ADAM32: variants seen among roughly 807,000 people sequenced by gnomAD.
ADAM32 encodes the protein ADAM metallopeptidase domain 32.
ADAM32 carries 89 observed loss-of-function variants against 114.9 expected under a neutral mutation model. The observed-to-expected ratio is 0.77, with a 90% CI of 0.65 to 0.92. The LOEUF (loss-of-function observed/expected upper bound fraction) is 0.92. Ranked by LOEUF, ADAM32 falls within the 40% of genes least tolerant of loss-of-function variation. The probability of loss-of-function intolerance (pLI) is 0.00; values close to 1 mark genes in which losing one functional copy is unlikely to be tolerated. For synonymous variants in ADAM32, 285 were observed against 307.5 expected (o/e 0.93, Z 0.77); for missense variants, 870 against 932.8 (o/e 0.93, Z 0.88).
intron 3 of ADAM32, among the ~76,000 whole-genome samples, chr8:39,140,804 C>T (rs545103585): frequency 6.6e-6 from 1 of 152,076 alleles, no homozygotes; most frequent in Non-Finnish European, 1.5e-5. Context: ...TGTGGGTAGG[C>T]TATTAATTAT....
chr8:39,218,026 G>A (rs924485650), intron 12 of ADAM32, among the ~76,000 whole-genome samples: 2 of 151,940 alleles, frequency 1.3e-5, no homozygotes, highest in African/African-American at 4.8e-5. Context: ...GTTTTCCAGA[G>A]TATTTGAAAG....
At position 39,141,101 on chromosome 8, in the gene ADAM32, C is replaced by A. The variant is rs192069805; in HGVS notation, c.200+4383C>A. On this transcript the variant is annotated intron_variant, in intron 3 of 24. Transcript: ENST00000379907. ...TCTCTTTTCTTCTTTATTAGTCTTG[C>A]TAGTGGTCTATCAATTTTGTTGATC... 9.3e-4 allele frequency among the ~76,000 whole-genome samples: 142 copies of A among 152,086 alleles called. 1 individual carries two copies. Among genetic ancestry groups the A allele is most frequent in the African/African-American group, 3.2e-3 (133 of 41,458 alleles).
In ADAM32 at chr8:39,151,265, GA is replaced by G. The variant is rs879485252; in HGVS notation, c.354-105del. 4.1e-4 allele frequency: 394 copies of G among 951,430 alleles called. 1 individual carries two copies. Among genetic ancestry groups the G allele is most frequent in the South Asian group, 1.5e-3 (76 of 50,808 alleles). The allele number at this position is 951,430 out of a possible 1,614,324, so 58.9% of individuals were successfully genotyped here. The stretch of plus-strand genomic sequence containing the variant: ...AGAGTCATCTCTAAGACAGAATTCA[GA>G]AAAAAATACTGGACTCAAAACGTTT... On this transcript the variant is annotated intron_variant, in intron 5 of 24. Transcript: ENST00000379907.
intron 16 of ADAM32, among the ~76,000 whole-genome samples, chr8:39,245,377 A>G (rs900188252): frequency 5.9e-5 from 9 of 152,180 alleles, no homozygotes; most frequent in Non-Finnish European, 1.0e-4. Context: ...TGATGGCTGC[A>G]CCAACATCTC....
At chr8:39,157,773 A>G (rs910684707) in intron 6 of ADAM32, 35 of 1,381,530 alleles carry the variant, frequency 2.5e-5, no homozygotes, top group African/African-American at 2.0e-4. Context: ...TCACTTCACC[A>G]TAGTGGACAA....
Position 39,246,125 on chromosome 8 carries a change from G to A in ADAM32, c.1861G>A (p.Ala621Thr), listed in dbSNP as rs762334521. 1.2e-6 allele frequency: 2 copies of A among 1,613,348 alleles called. No individual in the cohort carries two copies. The highest frequency in any genetic ancestry group is 8.5e-7 in the Non-Finnish European group (1 of 1,179,616). Reference sequence around the variant, plus strand: ...ATGTGTAGAATCAAGGATAATTAAGGCTTCAGCACATGTTTGTTCACAACA... The same window carrying A: ...ATGTGTAGAATCAAGGATAATTAAGACTTCAGCACATGTTTGTTCACAACA... Reference protein sequence around the residue: ...RECVESRIIKASAHVCSQQCS... With the variant: ...RECVESRIIKTSAHVCSQQCS... The change falls in exon 17 of 25, where the codon GCT becomes ACT. Residue 621 changes from alanine (A) to threonine (T), a missense_variant. Transcript: ENST00000379907.
chr8:39,127,673 C>T (rs984182352), intron 2 of ADAM32, among the ~76,000 whole-genome samples: 1 of 152,012 alleles, frequency 6.6e-6, no homozygotes, highest in Non-Finnish European at 1.5e-5. Flanking sequence ...ATATCTCTAT[C>T]TCCTTCAGTT....
chr8:39,148,433 C>T (rs912610833), intron 4 of ADAM32, among the ~76,000 whole-genome samples: 4 of 151,896 alleles, frequency 2.6e-5, no homozygotes, highest in Non-Finnish European at 4.4e-5. Flanking sequence ...CGTTGACTAA[C>T]CCCTACTTTA....
At chr8:39,121,451 G>T (rs183133435) in intron 2 of ADAM32, among the ~76,000 whole-genome samples, 5 of 152,086 alleles carry the variant, frequency 3.3e-5, no homozygotes, top group East Asian at 3.9e-4. Context: ...GGCCAGTCGG[G>T]GGGTGGAGGG....
intron 1 of ADAM32, among the ~76,000 whole-genome samples, chr8:39,116,641 A>G (rs1460086167): frequency 6.6e-6 from 1 of 152,060 alleles, no homozygotes; most frequent in Non-Finnish European, 1.5e-5. Context: ...TTTGGGCAGA[A>G]ACTATAGGGT....
intron 17 of ADAM32, among the ~76,000 whole-genome samples, chr8:39,249,061 GC>G (rs1405284158): frequency 6.6e-6 from 1 of 151,684 alleles, no homozygotes; most frequent in Non-Finnish European, 1.5e-5. Context: ...CTGCCACCAT[GC>G]CCGGATAATT....
intron 7 of ADAM32, among the ~76,000 whole-genome samples, chr8:39,162,700 T>G (rs1804589388): frequency 6.9e-6 from 1 of 144,122 alleles, no homozygotes; most frequent in African/African-American, 2.5e-5. Flanking sequence ...TTTTACATAT[T>G]CTTTAGTAAA....
intron 5 of ADAM32, among the ~76,000 whole-genome samples, chr8:39,151,066 TA>T (rs1332295240): frequency 1.1e-5 from 1 of 92,210 alleles, no homozygotes; most frequent in Non-Finnish European, 2.9e-5. Context: ...GATTTCTGTT[TA>T]CAATTGCTTT....
chr8:39,222,086 T>G (rs955140705), intron 13 of ADAM32, among the ~76,000 whole-genome samples: 3 of 152,092 alleles, frequency 2.0e-5, no homozygotes, highest in South Asian at 2.1e-4. Context: ...CAGATTTCCT[T>G]AAATGTATAA....
At chr8:39,228,765 A>T (rs1238436729) in intron 14 of ADAM32, among the ~76,000 whole-genome samples, 1 of 152,248 alleles carries the variant, frequency 6.6e-6, no homozygotes, top group Non-Finnish European at 1.5e-5. Flanking sequence ...ATTTGGGGGA[A>T]TAATGGAGGA....
chr8:39,108,966 C>T (rs117951331), intron 1 of ADAM32, among the ~76,000 whole-genome samples: 1 of 152,224 alleles, frequency 6.6e-6, no homozygotes, highest in East Asian at 1.9e-4. Context: ...CATGAGGGTC[C>T]CACTCTATGC....
chr8:39,261,998 C>T (rs1483624343), intron 19 of ADAM32, among the ~76,000 whole-genome samples: 3 of 152,120 alleles, frequency 2.0e-5, no homozygotes, highest in Non-Finnish European at 4.4e-5. Context: ...GTTGTCTTTT[C>T]ACTATGCTGA....
chr8:39,284,395 A>G (rs1206912027), intron 24 of ADAM32, among the ~76,000 whole-genome samples: 1 of 151,926 alleles, frequency 6.6e-6, no homozygotes, highest in African/African-American at 2.4e-5. Flanking sequence ...ACACACACAC[A>G]CACACGTACA....
intron 14 of ADAM32, among the ~76,000 whole-genome samples, chr8:39,224,599 T>G (rs542453652): frequency 2.0e-5 from 3 of 151,136 alleles, no homozygotes; most frequent in Admixed American, 2.0e-4. Flanking sequence ...TTGATTGGGC[T>G]TTTTTTTTGC....
Sources: allele counts gnomAD v4.1 joint callset (sites outside exome capture counted in the v4.1 genomes callset), GRCh38; gene constraint gnomAD v4.1.1; transcripts MANE v1.5; gene names NCBI Gene and HGNC (gene_info 2026-07-23, HGNC 2026-07-21).